STS: variants seen among roughly 807,000 people sequenced by gnomAD.
The protein encoded by STS is steryl-sulfatase.
STS carries 7 observed loss-of-function variants against 26.8 expected under a neutral mutation model. That is an observed-to-expected ratio of 0.26 (90% CI 0.15 to 0.49). The LOEUF is 0.49. STS is among the 20% of genes least tolerant of loss of function. The pLI is 0.98. For synonymous variants in STS, 199 were observed against 189.4 expected (o/e 1.05, Z -0.42); for missense variants, 434 against 465.6 (o/e 0.93, Z 0.63).
At chrX:7,302,756 G>A (rs191273799) in intron 7 of STS, among the ~76,000 whole-genome samples, 44 of 111,867 alleles carry the variant, frequency 3.9e-4, no homozygotes, top group African/African-American at 1.3e-3. Context: ...GACCAAGTGG[G>A]TGTGAGTGCA....
chrX:7,306,253 A>G lies in STS; in HGVS notation c.1081+1070A>G, dbSNP rs186208312. On this transcript the variant is annotated intron_variant, in intron 8 of 10. Transcript: ENST00000674429. ...ATCTAATGTCTATCTTATATGACAG[A>G]CATTACATGACACACAACGTGGCCC... 2.6e-4 allele frequency among the ~76,000 whole-genome samples: 29 copies of G among 111,496 alleles called. No homozygotes were observed. In the East Asian group the frequency reaches 5.7e-3, roughly 22 times the overall value.
chrX:7,271,901 C>G (rs752183826), intron 6 of STS, among the ~76,000 whole-genome samples: 14 of 109,623 alleles, frequency 1.3e-4, no homozygotes, highest in African/African-American at 4.3e-4. Flanking sequence ...TTTCAGAGAA[C>G]TGGGGATGCC....
chrX:7,192,921 C>T (rs1346263540), intron 2 of STS, among the ~76,000 whole-genome samples: 9 of 112,408 alleles, frequency 8.0e-5, no homozygotes, highest in Non-Finnish European at 1.7e-4. Context: ...TCCGAAATGT[C>T]GTGCTGAGGG....
intron 1 of STS, among the ~76,000 whole-genome samples, chrX:7,181,512 G>A (rs148737838): frequency 1.8e-5 from 2 of 112,027 alleles, no homozygotes; most frequent in East Asian, 2.8e-4. Context: ...TCAGAGCATC[G>A]GAAGTGACTC....
intron 2 of STS, among the ~76,000 whole-genome samples, chrX:7,229,542 G>A (rs1921965506): frequency 9.0e-6 from 1 of 110,815 alleles, no homozygotes; most frequent in African/African-American, 3.3e-5. Flanking sequence ...GTGCCTTGGA[G>A]GGGTGCATCT....
In STS at chrX:7,259,758, C is replaced by A. The variant is rs1601693848; in HGVS notation, c.792C>A (p.Ala264=). The change falls in exon 6 of 11, where the codon GCC becomes GCA. Residue 264 remains alanine, a synonymous_variant. Transcript: ENST00000674429. The part of the protein sequence containing the change: ...NLTQRLTVEA[A]QFIQRNTETP... ...CCCAGAGGCTAACGGTGGAGGCGGC[C>A]CAGTTCATACAGCGGTGGGTATTGC... The A allele has an allele frequency of 8.3e-7, 1 of 1,210,645 alleles. No homozygotes were observed.
intron 3 of STS, among the ~76,000 whole-genome samples, chrX:7,254,577 C>CTTTTTTTT (rs34965003): frequency 2.7e-5 from 2 of 73,072 alleles, no homozygotes; most frequent in Non-Finnish European, 5.3e-5. Flanking sequence ...TTTTCTTCTT[C>CTTTTTTTT]TTTTTTTTTT....
chrX:7,181,373 G>A (rs1206629179), intron 1 of STS, among the ~76,000 whole-genome samples: 2 of 112,437 alleles, frequency 1.8e-5, no homozygotes, highest in African/African-American at 6.5e-5. Flanking sequence ...CTCATTTGTC[G>A]AAGCTGTCAT....
chrX:7,305,237 CT>C (rs1158670081), intron 8 of STS, 54 bp downstream of exon 8: 94 of 1,196,434 alleles, frequency 7.9e-5, no homozygotes, highest in Non-Finnish European at 1.0e-4. Flanking sequence ...CCGCTGGTCA[CT>C]TTTTTCTTGA....
intron 8 of STS, among the ~76,000 whole-genome samples, chrX:7,323,155 A>G (rs1283914146): frequency 8.9e-6 from 1 of 111,869 alleles, no homozygotes; most frequent in Non-Finnish European, 1.9e-5. Flanking sequence ...TCAAGTGCAA[A>G]GGGCTGGTGT....
At chrX:7,281,787 A>G (rs1388734779) in intron 7 of STS, among the ~76,000 whole-genome samples, 1 of 112,479 alleles carries the variant, frequency 8.9e-6, no homozygotes, top group Non-Finnish European at 1.9e-5. Flanking sequence ...GTAATGGATT[A>G]TCCATTTTAA....
intron 10 of STS, among the ~76,000 whole-genome samples, chrX:7,347,838 C>T (rs932858548): frequency 3.6e-5 from 4 of 111,784 alleles, no homozygotes; most frequent in Non-Finnish European, 5.6e-5. Flanking sequence ...GCTCTGTCAG[C>T]CTGTCTCCAA....
intron 2 of STS, among the ~76,000 whole-genome samples, chrX:7,249,315 A>C (rs1923030139): frequency 9.0e-6 from 1 of 111,542 alleles, no homozygotes; most frequent in Non-Finnish European, 1.9e-5. Context: ...AGCTTAGGGC[A>C]TCAGCAGCAT....
intron 7 of STS, among the ~76,000 whole-genome samples, chrX:7,295,181 A>G (rs1925603755): frequency 8.9e-6 from 1 of 111,878 alleles, no homozygotes; most frequent in South Asian, 3.7e-4. Context: ...ACCAATGTGT[A>G]TATTTGAAAA....
intron 8 of STS, among the ~76,000 whole-genome samples, chrX:7,306,834 G>A (rs565476861): frequency 1.8e-5 from 2 of 112,109 alleles, no homozygotes; most frequent in African/African-American, 6.5e-5. Context: ...CTGGAAAGAA[G>A]GAGAAGCAGC....
intron 2 of STS, among the ~76,000 whole-genome samples, chrX:7,229,674 C>A (rs1921971817): frequency 9.0e-6 from 1 of 110,705 alleles, no homozygotes; most frequent in Non-Finnish European, 1.9e-5. Flanking sequence ...GGCTGTCTGG[C>A]TGGACCTCAT....
At chrX:7,176,194 C>T (rs191996582) in intron 1 of STS, among the ~76,000 whole-genome samples, 54 of 111,729 alleles carry the variant, frequency 4.8e-4, no homozygotes, top group South Asian at 1.5e-3. Context: ...AGTCACTCTT[C>T]GGTAATTTGG....
intron 2 of STS, among the ~76,000 whole-genome samples, chrX:7,239,193 C>A (rs1280883375): frequency 9.0e-6 from 1 of 111,399 alleles, no homozygotes; most frequent in African/African-American, 3.3e-5. Flanking sequence ...GTATTTAAAT[C>A]TATAGAAAAG....
intron 2 of STS, among the ~76,000 whole-genome samples, chrX:7,228,744 T>G (rs1924233859): frequency 8.9e-6 from 1 of 112,225 alleles, no homozygotes; most frequent in African/African-American, 3.2e-5. Flanking sequence ...ACTTGTCTGT[T>G]TTTGCTTCTA....
Sources: allele counts gnomAD v4.1 joint callset (sites outside exome capture counted in the v4.1 genomes callset), GRCh38; gene constraint gnomAD v4.1.1; transcripts MANE v1.5; gene names NCBI Gene and HGNC (gene_info 2026-07-23, HGNC 2026-07-21).